PRR11: variants seen among roughly 807,000 people sequenced by gnomAD.
The protein encoded by PRR11 is proline rich 11, also known as proline-rich protein 11.
A neutral mutation model predicts 45.6 loss-of-function variants in PRR11; 30 were observed. The ratio of observed to expected loss-of-function variants is 0.66; its 90% confidence interval spans 0.49 to 0.89. The LOEUF (loss-of-function observed/expected upper bound fraction) is 0.89. Ranked by LOEUF, PRR11 falls within the 40% of genes least tolerant of loss-of-function variation. The pLI is 0.00. For missense variants in PRR11, 373 were observed against 424.8 expected (o/e 0.88, Z 1.07); for synonymous variants, 128 against 153.5 (o/e 0.83, Z 1.23).
Position 59,185,097 on chromosome 17 carries a change from C to T in PRR11, c.172C>T (p.Leu58=), listed in dbSNP as rs149243150. 6.0e-5 allele frequency: 97 copies of T among 1,613,472 alleles called. No homozygotes were observed. The highest frequency in any genetic ancestry group is 5.5e-5 in the Non-Finnish European group (65 of 1,179,634). The part of the protein sequence containing the change: ...SIDISQSRSW[L]TSSWNFNFPN... ...AGATATATCTCAAAGCAGAAGCTGG[C>T]TAACATCATCCTGGAACTTCAATTT... The change falls in exon 3 of 10, where the codon CTA becomes TTA. Residue 58 remains leucine (L), a synonymous_variant. Coordinates refer to ENST00000262293, the MANE Select transcript of PRR11 (RefSeq NM_018304.4).
At chr17:59,174,865 T>C (rs1599696200) in intron 2 of PRR11, 1 of 1,234,052 alleles carries the variant, frequency 8.1e-7, no homozygotes, top group Admixed American at 1.8e-5. Flanking sequence ...CTTAAGAAGA[T>C]GGGGACTCCC....
At chr17:59,167,562 G>A (rs923681117) in intron 1 of PRR11, among the ~76,000 whole-genome samples, 1 of 152,178 alleles carries the variant, frequency 6.6e-6, no homozygotes, top group Non-Finnish European at 1.5e-5. Flanking sequence ...CTATTCCATA[G>A]GCAGAGCAGT....
Position 59,198,673 on chromosome 17 carries a change from C to CA in PRR11, c.1014+898dup, listed in dbSNP as rs1397235254. On this transcript the variant is annotated intron_variant, in intron 9 of 9. Transcript: ENST00000262293. ...TGGGTGACAGAGCGAGACTTAGTCT[C>CA]AAAAAAAAAAAAAATTAGCCATGTA... is the stretch of plus-strand genomic sequence containing the variant. 8.4e-3 allele frequency among the ~76,000 whole-genome samples: 1,140 copies of CA among 135,090 alleles called. 5 individuals carry two copies. Among genetic ancestry groups the CA allele is most frequent in the African/African-American group, 0.015 (561 of 36,816 alleles). The allele number at this position is 135,090 out of a possible 152,430, so 88.6% of individuals were successfully genotyped here. A position where few individuals can be genotyped will look rare whatever the true frequency, so the allele number is the denominator to read the frequency against.
chr17:59,156,988 A>C (rs893509888), intron 1 of PRR11, among the ~76,000 whole-genome samples: 3 of 152,248 alleles, frequency 2.0e-5, no homozygotes, highest in African/African-American at 7.2e-5. Context: ...CAACTCCTGC[A>C]AAAGACTGTA....
chr17:59,189,371 T>A (rs1367549053), intron 4 of PRR11, among the ~76,000 whole-genome samples: 3 of 151,990 alleles, frequency 2.0e-5, no homozygotes, highest in Non-Finnish European at 4.4e-5. Flanking sequence ...TACCGCTCTG[T>A]CGCCCAGGCT....
intron 2 of PRR11, among the ~76,000 whole-genome samples, chr17:59,180,883 C>T (rs2046781619): frequency 6.6e-6 from 1 of 151,666 alleles, no homozygotes; most frequent in Middle Eastern, 3.4e-3. Flanking sequence ...CTCACTGCAG[C>T]CTCAAAGTCC....
At chr17:59,179,555 G>A (rs2046769269) in intron 2 of PRR11, 3 of 1,417,266 alleles carry the variant, frequency 2.1e-6, no homozygotes, top group South Asian at 1.2e-5. Flanking sequence ...ACCCACTGGG[G>A]GCATATTTTT....
At chr17:59,169,966 A>G (rs1258344605) in intron 2 of PRR11, 86 bp downstream of exon 2, 2 of 1,463,832 alleles carry the variant, frequency 1.4e-6, no homozygotes, top group Non-Finnish European at 1.8e-6. Context: ...TAAAAATAGA[A>G]GGCAGGCCGG....
At chr17:59,174,038 C>G (rs1363650839) in intron 2 of PRR11, among the ~76,000 whole-genome samples, 1 of 152,158 alleles carries the variant, frequency 6.6e-6, no homozygotes, top group Non-Finnish European at 1.5e-5. Context: ...ATTTTATCTC[C>G]TGTCCTTCAT....
At chr17:59,172,399 C>T (rs1441403850) in intron 2 of PRR11, among the ~76,000 whole-genome samples, 8 of 152,374 alleles carry the variant, frequency 5.3e-5, no homozygotes, top group African/African-American at 1.9e-4. Flanking sequence ...TCCGTGCCTC[C>T]TCACCTGGGC....
At chr17:59,179,786 T>G (rs2046770706) in intron 2 of PRR11, 26 of 1,368,012 alleles carry the variant, frequency 1.9e-5, no homozygotes, top group South Asian at 1.4e-4. Flanking sequence ...CTTCTCTGGC[T>G]CCTCCTCCGA....
intron 4 of PRR11, among the ~76,000 whole-genome samples, chr17:59,187,631 G>A (rs974832598): frequency 3.3e-5 from 5 of 152,018 alleles, no homozygotes; most frequent in South Asian, 4.2e-4. Context: ...TTGGGAGGCC[G>A]AGGTGGGCAG....
At chr17:59,156,692 GCT>G (rs1320114118) in intron 1 of PRR11, among the ~76,000 whole-genome samples, 1 of 147,446 alleles carries the variant, frequency 6.8e-6, no homozygotes, top group African/African-American at 2.5e-5. Flanking sequence ...ACGGAGTCTC[GCT>G]CTGTCGCCTA....
At chr17:59,177,507 T>C (rs939836057) in intron 2 of PRR11, among the ~76,000 whole-genome samples, 1 of 151,530 alleles carries the variant, frequency 6.6e-6, no homozygotes, top group Non-Finnish European at 1.5e-5. Flanking sequence ...TTTGAAGGAG[T>C]GTGTCTAGGT....
intron 4 of PRR11, among the ~76,000 whole-genome samples, chr17:59,191,226 T>C (rs1399389333): frequency 4.0e-5 from 6 of 149,088 alleles, no homozygotes; most frequent in Non-Finnish European, 7.4e-5. Flanking sequence ...TTTTCTTTTT[T>C]TTTTTTTTTT....
intron 2 of PRR11, among the ~76,000 whole-genome samples, chr17:59,173,556 C>T (rs113148199): frequency 0.072 from 10,948 of 151,982 alleles, 845 homozygotes; most frequent in African/African-American, 0.18. Context: ...ACACTCACCG[C>T]GAAGGTCTGC....
intron 4 of PRR11, among the ~76,000 whole-genome samples, chr17:59,190,836 G>A (rs550695510): frequency 6.6e-6 from 1 of 152,366 alleles, no homozygotes; most frequent in African/African-American, 2.4e-5. Flanking sequence ...TGGGTTATGT[G>A]TCTAGTCCTT....
intron 4 of PRR11, among the ~76,000 whole-genome samples, chr17:59,192,067 T>C (rs2333465): frequency 0.36 from 55,253 of 151,886 alleles, 10,322 homozygotes; most frequent in South Asian, 0.47. Context: ...CAAATGTAAT[T>C]AGGGTAAGGA....
rs939472919 is a variant in PRR11, at chr17:59,204,470, G to A, written c.*2839G>A. 6.6e-6 allele frequency: 1 copy of A among 151,346 alleles called. No individual in the cohort carries two copies. 9.4% of individuals were successfully genotyped at this position (151,346 alleles called of 1,614,324 possible). A position where few individuals can be genotyped will look rare whatever the true frequency, so the allele number is the denominator to read the frequency against. On this transcript the variant is annotated 3_prime_UTR_variant, in exon 10 of 10. Coordinates refer to ENST00000262293, the MANE Select transcript of PRR11 (RefSeq NM_018304.4). ...TAATCCCAGCACTTTGGGAGGCTGA[G>A]GCGGGCAAAACACTTGAGGTCAGAC...
Sources: allele counts gnomAD v4.1 joint callset (sites outside exome capture counted in the v4.1 genomes callset), GRCh38; gene constraint gnomAD v4.1.1; transcripts MANE v1.5; gene names NCBI Gene and HGNC (gene_info 2026-07-23, HGNC 2026-07-21).